LRP1B: variants seen among roughly 807,000 people sequenced by gnomAD.
The protein encoded by LRP1B is LDL receptor related protein 1B, also known as low-density lipoprotein receptor-related protein 1B.
In LRP1B, 217 loss-of-function variants were observed where a neutral mutation model predicts 556.6. The ratio of observed to expected loss-of-function variants is 0.39; its 90% confidence interval spans 0.35 to 0.44. The LOEUF is 0.44. Among genes scored for constraint, LRP1B ranks in the 20% least tolerant of loss-of-function variants. LRP1B has a pLI of 1.00. For synonymous variants in LRP1B, 2,047 were observed against 1,865.8 expected (o/e 1.10, Z -2.50); for missense variants, 5,053 against 5,620.8 (o/e 0.90, Z 3.23).
At chr2:141,401,763 T>C (rs1372452344) in intron 3 of LRP1B, among the ~76,000 whole-genome samples, 1 of 152,154 alleles carries the variant, frequency 6.6e-6, no homozygotes, top group Non-Finnish European at 1.5e-5. Context: ...TCAATTTCTT[T>C]ATCACATTTT....
At chr2:140,326,056 A>G (rs931008224) in intron 79 of LRP1B, among the ~76,000 whole-genome samples, 178 bp from the exon 80 acceptor site, 14 of 152,160 alleles carry the variant, frequency 9.2e-5, no homozygotes, top group African/African-American at 3.4e-4. Context: ...TCTTTATCTC[A>G]AATACATAGG....
chr2:141,382,826 G>T (rs976584645), intron 3 of LRP1B, among the ~76,000 whole-genome samples: 10 of 152,116 alleles, frequency 6.6e-5, no homozygotes, highest in Non-Finnish European at 1.5e-4. Flanking sequence ...GTGATTTTTT[G>T]ATATGACATC....
In LRP1B at chr2:141,756,659, A is replaced by G. The variant is rs943636226; in HGVS notation, c.205+53620T>C. 3.3e-5 allele frequency among the ~76,000 whole-genome samples: 5 copies of G among 152,006 alleles called. No homozygotes were observed. The South Asian group carries it at 6.2e-4, about 19-fold the overall frequency. ...AGGTCCCATAAGATTAGAATACTGC[A>G]TTTTTACTGTATCTTTTTATATTTA... On this transcript the variant is annotated intron_variant, in intron 2 of 90. Transcript: ENST00000389484.
intron 3 of LRP1B, among the ~76,000 whole-genome samples, chr2:141,354,777 T>C (rs34855334): frequency 6.8e-6 from 1 of 146,754 alleles, no homozygotes; most frequent in African/African-American, 2.5e-5. Flanking sequence ...CCTGCAATTA[T>C]AAAAAAAAAA....
chr2:140,423,264 T>C (rs1283349442), intron 66 of LRP1B, among the ~76,000 whole-genome samples: 1 of 152,084 alleles, frequency 6.6e-6, no homozygotes, highest in African/African-American at 2.4e-5. Context: ...TGCCAATCAA[T>C]ACAGCATTTA....
Position 140,360,284 on chromosome 2 carries a change from A to G in LRP1B, c.11132-1338T>C, listed in dbSNP as rs537914909. 1.7e-4 allele frequency among the ~76,000 whole-genome samples: 25 copies of G among 151,496 alleles called. 1 individual carries two copies. The South Asian group carries it at 5.2e-3, about 31-fold the overall frequency. ...ATATTGCTTTATTACAGCTTCTTAA[A>G]TATGTTACACTCCATCCCTGACCTC... On this transcript the variant is annotated intron_variant, in intron 72 of 90. Transcript: ENST00000389484.
chr2:141,627,139 T>C (rs1336305910), intron 2 of LRP1B, among the ~76,000 whole-genome samples: 2 of 152,190 alleles, frequency 1.3e-5, no homozygotes, highest in Non-Finnish European at 2.9e-5. Context: ...TATCAAGTCA[T>C]TGAAAGACAT....
chr2:141,116,049 T>G (rs376500077), intron 7 of LRP1B, among the ~76,000 whole-genome samples: 1 of 151,810 alleles, frequency 6.6e-6, no homozygotes, highest in South Asian at 2.1e-4. Flanking sequence ...TAATGGAGAG[T>G]TTTCTTTTTT....
At chr2:140,673,827 C>A (rs934295113) in intron 41 of LRP1B, among the ~76,000 whole-genome samples, 1 of 152,102 alleles carries the variant, frequency 6.6e-6, no homozygotes, top group Non-Finnish European at 1.5e-5. Flanking sequence ...CACAACTGAC[C>A]AGCATTAACA....
intron 2 of LRP1B, among the ~76,000 whole-genome samples, chr2:141,586,102 G>A (rs1687128526): frequency 6.6e-6 from 1 of 152,108 alleles, no homozygotes; most frequent in Admixed American, 6.6e-5. Context: ...GAATAGTCTG[G>A]TGAAATCATT....
chr2:140,652,150 T>C (rs549513470), intron 41 of LRP1B, among the ~76,000 whole-genome samples: 9 of 152,100 alleles, frequency 5.9e-5, no homozygotes, highest in Non-Finnish European at 1.5e-5. Flanking sequence ...TAAGGAAATA[T>C]TATAGGAAAT....
At chr2:141,273,391 T>A (rs549203978) in intron 3 of LRP1B, among the ~76,000 whole-genome samples, 1 of 152,062 alleles carries the variant, frequency 6.6e-6, no homozygotes, top group South Asian at 2.1e-4. Context: ...CACACATAGA[T>A]AAATGTAACA....
chr2:141,540,549 G>C (rs1489458586), intron 2 of LRP1B, among the ~76,000 whole-genome samples: 7 of 151,954 alleles, frequency 4.6e-5, no homozygotes. Context: ...TAGAAAGCCA[G>C]AGACTTTCGT....
At chr2:142,118,758 A>T (rs1707358111) in intron 1 of LRP1B, among the ~76,000 whole-genome samples, 2 of 152,096 alleles carry the variant, frequency 1.3e-5, no homozygotes, top group South Asian at 4.1e-4. Context: ...ATTTCCAAAC[A>T]TTTGGCACCC....
At chr2:141,344,911 T>C (rs1688191203) in intron 3 of LRP1B, among the ~76,000 whole-genome samples, 1 of 152,132 alleles carries the variant, frequency 6.6e-6, no homozygotes, top group Non-Finnish European at 1.5e-5. Context: ...GACCTAGAAA[T>C]CTGTTATGTT....
chr2:140,533,434 A>T (rs985132776), intron 47 of LRP1B, among the ~76,000 whole-genome samples: 2 of 152,128 alleles, frequency 1.3e-5, no homozygotes, highest in Admixed American at 1.3e-4. Context: ...TTCATCATCT[A>T]TCCTAATAGT....
chr2:140,554,040 C>G (rs1267896264), intron 43 of LRP1B, among the ~76,000 whole-genome samples: 1 of 152,012 alleles, frequency 6.6e-6, no homozygotes, highest in East Asian at 1.9e-4. Context: ...GAAGATACAC[C>G]AGAGAGTAGT....
Position 141,954,051 on chromosome 2 carries a change from T to C in LRP1B, c.83-143650A>G, listed in dbSNP as rs192933410. ...CTGCCAATAATTACTTCTATACCTC[T>C]CTCTCTCGGCACAAGCAATCGCTGA... On this transcript the variant is annotated intron_variant, in intron 1 of 90. Coordinates refer to ENST00000389484, the MANE Select transcript of LRP1B (RefSeq NM_018557.3). Among the ~76,000 whole-genome samples, 482 of 152,252 alleles carry C rather than the reference T, an allele frequency of 3.2e-3. 4 individuals are homozygous for C. Among genetic ancestry groups the C allele is most frequent in the African/African-American group, 0.011 (450 of 41,574 alleles).
chr2:141,055,753 A>G (rs1699162842), intron 9 of LRP1B, among the ~76,000 whole-genome samples: 1 of 151,088 alleles, frequency 6.6e-6, no homozygotes, highest in South Asian at 2.1e-4. Flanking sequence ...GAGGCAAAAT[A>G]TTTTTTAAAT....
Sources: gnomAD v4.1 joint callset for allele counts (sites outside exome capture counted in the v4.1 genomes callset) on GRCh38, gnomAD v4.1.1 for gene constraint, MANE v1.5 for transcripts, NCBI Gene and HGNC (gene_info 2026-07-23, HGNC 2026-07-21) for gene names.